ZNF407: variants seen among roughly 807,000 people sequenced by gnomAD.
ZNF407 encodes zinc finger protein 407.
A neutral mutation model predicts 131.2 loss-of-function variants in ZNF407; 17 were observed. The ratio of observed to expected loss-of-function variants is 0.13; its 90% CI spans 0.09 to 0.19. ZNF407 has a LOEUF of 0.19. ZNF407 is among the 10% of genes least tolerant of loss of function. The probability of loss-of-function intolerance (pLI) is 1.00; values close to 1 mark genes in which losing one functional copy is unlikely to be tolerated. For synonymous variants in ZNF407, 1,156 were observed against 1,062.0 expected (o/e 1.09, Z -1.72); for missense variants, 2,681 against 2,830.6 (o/e 0.95, Z 1.20).
intron 7 of ZNF407, 70 bp downstream of exon 7, chr18:74,890,108 A>G (rs958022658): frequency 1.5e-5 from 21 of 1,360,352 alleles, no homozygotes; most frequent in Non-Finnish European, 2.0e-5. Context: ...GTTAAATCCC[A>G]ATTAGAAGTG....
chr18:75,042,272 T>G (rs1973382974), intron 8 of ZNF407, among the ~76,000 whole-genome samples: 1 of 152,176 alleles, frequency 6.6e-6, no homozygotes, highest in Admixed American at 6.5e-5. Context: ...TTATGATTTT[T>G]GTACTTATTA....
At chr18:74,735,596 G>A (rs1269285545) in intron 3 of ZNF407, among the ~76,000 whole-genome samples, 1 of 152,168 alleles carries the variant, frequency 6.6e-6, no homozygotes, top group East Asian at 1.9e-4. Context: ...GTTGTACCAA[G>A]TCTGAACTGC....
chr18:75,016,282 C>A (rs1599295217), intron 8 of ZNF407, among the ~76,000 whole-genome samples: 1 of 152,040 alleles, frequency 6.6e-6, no homozygotes, highest in South Asian at 2.1e-4. Flanking sequence ...TTGCTTTTCT[C>A]ATTTCCTTAT....
intron 3 of ZNF407, among the ~76,000 whole-genome samples, chr18:74,709,978 A>G (rs947049103): frequency 1.3e-5 from 2 of 152,154 alleles, no homozygotes; most frequent in African/African-American, 4.8e-5. Context: ...TAGTTTAAAC[A>G]GTATATTTTT....
intron 3 of ZNF407, among the ~76,000 whole-genome samples, chr18:74,707,453 T>G (rs1457857670): frequency 6.6e-6 from 1 of 152,218 alleles, no homozygotes; most frequent in Non-Finnish European, 1.5e-5. Context: ...AATTTTTGAT[T>G]ATTTGCATTA....
intron 7 of ZNF407, among the ~76,000 whole-genome samples, chr18:74,900,812 A>C (rs1971514466): frequency 6.6e-6 from 1 of 152,222 alleles, no homozygotes; most frequent in Non-Finnish European, 1.5e-5. Flanking sequence ...AGTTATGAAC[A>C]TCATGTTACA....
intron 4 of ZNF407, among the ~76,000 whole-genome samples, chr18:74,834,984 T>C (rs1001851767): frequency 2.0e-5 from 3 of 152,122 alleles, no homozygotes; most frequent in African/African-American, 4.8e-5. Context: ...TTGTACAGAG[T>C]TGAGGATGAT....
intron 8 of ZNF407, among the ~76,000 whole-genome samples, chr18:74,940,805 T>G (rs924781199): frequency 1.3e-5 from 2 of 152,156 alleles, no homozygotes; most frequent in South Asian, 2.1e-4. Context: ...GGATCCTTTA[T>G]TCACCTCAGC....
chr18:75,045,466 G>T (rs1352859014), intron 8 of ZNF407, among the ~76,000 whole-genome samples: 1 of 152,126 alleles, frequency 6.6e-6, no homozygotes, highest in African/African-American at 2.4e-5. Flanking sequence ...TGCAAACAGT[G>T]GAAATGTTGC....
At chr18:74,957,179 C>G (rs1203659623) in intron 8 of ZNF407, among the ~76,000 whole-genome samples, 1 of 151,388 alleles carries the variant, frequency 6.6e-6, no homozygotes. Flanking sequence ...GCCTCCTACC[C>G]TGAGTGCAGC....
At chr18:74,670,993 T>G (rs1249455195) in intron 3 of ZNF407, among the ~76,000 whole-genome samples, 1 of 152,188 alleles carries the variant, frequency 6.6e-6, no homozygotes, top group Non-Finnish European at 1.5e-5. Context: ...AGTGTGCGGT[T>G]GCACTAAGTA....
chr18:74,678,548 G>T (rs560793671), intron 3 of ZNF407, among the ~76,000 whole-genome samples: 1 of 152,144 alleles, frequency 6.6e-6, no homozygotes, highest in Non-Finnish European at 1.5e-5. Context: ...CAGTTCAAAC[G>T]TCAGTTTATC....
intron 4 of ZNF407, among the ~76,000 whole-genome samples, chr18:74,805,020 A>G (rs111454237): frequency 2.6e-5 from 4 of 152,218 alleles, no homozygotes; most frequent in Non-Finnish European, 5.9e-5. Flanking sequence ...AGCAATTGAC[A>G]TTATGTGCAC....
At chr18:74,737,388 A>G (rs546577191) in intron 3 of ZNF407, among the ~76,000 whole-genome samples, 131 of 152,360 alleles carry the variant, frequency 8.6e-4, no homozygotes, top group African/African-American at 3.0e-3. Context: ...GGAGAAATGT[A>G]ACACACCATT....
chr18:74,777,401 G>C (rs903106960), intron 3 of ZNF407, among the ~76,000 whole-genome samples: 7 of 151,866 alleles, frequency 4.6e-5, no homozygotes, highest in African/African-American at 1.7e-4. Flanking sequence ...CTTGCAAATG[G>C]ATGACTTGAG....
intron 2 of ZNF407, 128 bp from the exon 3 acceptor site, chr18:74,640,880 G>A (rs1232117313): frequency 1.5e-6 from 1 of 663,084 alleles, no homozygotes; most frequent in Non-Finnish European, 2.7e-6. Flanking sequence ...ATGAATGCAA[G>A]TATTCCATTT....
At chr18:74,605,299 G>A (rs1982758000) in intron 1 of ZNF407, among the ~76,000 whole-genome samples, 1 of 152,224 alleles carries the variant, frequency 6.6e-6, no homozygotes, top group Admixed American at 6.5e-5. Context: ...TCTGCTGTCT[G>A]CAGCTCCTAG....
At position 74,633,171 on chromosome 18, in the gene ZNF407, A is replaced by G. The variant is rs372188890; in HGVS notation, c.2152A>G (p.Thr718Ala). 1.5e-5 allele frequency: 24 copies of G among 1,613,376 alleles called. No individual in the cohort carries two copies. Among genetic ancestry groups the G allele is most frequent in the African/African-American group, 1.1e-4 (8 of 74,900 alleles). The change falls in exon 2 of 9, where the codon ACT becomes GCT. Residue 718 changes from threonine to alanine, a missense_variant. By Grantham distance (58) the Thr-to-Ala change is moderately conservative. Coordinates refer to ENST00000299687, the MANE Select transcript of ZNF407 (RefSeq NM_017757.3). ...GTGTTTTTATAAAACAAGATCTTCT[A>G]CTGTTCTCACGAGACATATAAAGCT... ...KKCFYKTRSS[T>A]VLTRHIKLRH... is the part of the protein sequence containing the mutation.
chr18:74,806,012 TAA>T (rs1398458439), intron 4 of ZNF407, among the ~76,000 whole-genome samples: 1 of 152,240 alleles, frequency 6.6e-6, no homozygotes, highest in Non-Finnish European at 1.5e-5. Flanking sequence ...CTCTTTTTGT[TAA>T]AAATTTTCTT....
Sources: gnomAD v4.1 joint callset for allele counts (sites outside exome capture counted in the v4.1 genomes callset) on GRCh38, gnomAD v4.1.1 for gene constraint, MANE v1.5 for transcripts, NCBI Gene and HGNC (gene_info 2026-07-23, HGNC 2026-07-21) for gene names.